The following AJAP1 variants were observed in gnomAD, a reference collection of about 807,000 sequenced individuals.
AJAP1 encodes the protein adherens junction-associated protein 1.
AJAP1 carries 5 observed loss-of-function variants against 35.0 expected under a neutral mutation model. The ratio of observed to expected loss-of-function variants is 0.14; its 90% CI spans 0.07 to 0.30. The LOEUF is 0.30. AJAP1 is among the 10% of genes least tolerant of loss of function. AJAP1 has a pLI of 1.00. For synonymous variants in AJAP1, 284 were observed against 249.3 expected (o/e 1.14, Z -1.31); for missense variants, 586 against 571.0 (o/e 1.03, Z -0.27).
rs1031792602 is a variant in AJAP1, at chr1:4,720,119, C to A, written c.829+7420C>A. ...TTTGCAGCAGATAAGTTCCAAGTGA[C>A]GTTTGAGGGCTCCCCAGGTGGTCAC... On this transcript the variant is annotated intron_variant, in intron 2 of 5. Transcript: ENST00000378191. This position sits in a 1 kb window ranked among gnomAD's most constrained non-coding sequence, Gnocchi z 4.4. Among the ~76,000 whole-genome samples, 2 of 152,150 alleles carry A rather than the reference C, an allele frequency of 1.3e-5. No individual in the cohort carries two copies. The highest frequency in any genetic ancestry group is 2.9e-5 in the Non-Finnish European group (2 of 68,028).
intron 2 of AJAP1, among the ~76,000 whole-genome samples, chr1:4,721,818 G>T (rs1441978304): frequency 6.6e-6 from 1 of 152,202 alleles, no homozygotes; most frequent in Non-Finnish European, 1.5e-5. Context: ...AATGCACCTT[G>T]CAGAGAAAAC....
At chr1:4,776,303 G>A (rs1398221409) in intron 5 of AJAP1, among the ~76,000 whole-genome samples, 4 of 152,150 alleles carry the variant, frequency 2.6e-5, no homozygotes, top group African/African-American at 9.7e-5. Context: ...GCTTTCTAAT[G>A]TTTGCACGGC....
chr1:4,657,312 C>G (rs1010152235), intron 1 of AJAP1, among the ~76,000 whole-genome samples: 1 of 152,120 alleles, frequency 6.6e-6, no homozygotes. Flanking sequence ...TTTTTCCCCC[C>G]TCGATGTCAG....
chr1:4,694,819 G>T (rs889193749), intron 1 of AJAP1, among the ~76,000 whole-genome samples: 1 of 152,244 alleles, frequency 6.6e-6, no homozygotes, highest in East Asian at 1.9e-4. Context: ...GCTTTAGGTT[G>T]TGAGCACAGT....
At chr1:4,684,652 C>G (rs1283444532) in intron 1 of AJAP1, among the ~76,000 whole-genome samples, 1 of 152,170 alleles carries the variant, frequency 6.6e-6, no homozygotes, top group East Asian at 1.9e-4. Context: ...TCACGTGCCT[C>G]CAAATGGACC....
At chr1:4,738,321 G>A (rs1174873030) in intron 2 of AJAP1, among the ~76,000 whole-genome samples, 1 of 152,240 alleles carries the variant, frequency 6.6e-6, no homozygotes, top group East Asian at 1.9e-4. Context: ...ACCATGTTGA[G>A]CAGACTGAGT....
intron 2 of AJAP1, among the ~76,000 whole-genome samples, chr1:4,748,760 A>G (rs112755269): frequency 1.3e-5 from 2 of 151,354 alleles, no homozygotes; most frequent in East Asian, 1.9e-4. Flanking sequence ...AAAAAAAAAA[A>G]AAAAAAAAAA....
At chr1:4,703,852 TC>T (rs774174310) in intron 1 of AJAP1, among the ~76,000 whole-genome samples, 1 of 152,170 alleles carries the variant, frequency 6.6e-6, no homozygotes, top group Non-Finnish European at 1.5e-5. Context: ...CATCTGAATG[TC>T]CCTGAGAACA....
intron 2 of AJAP1, among the ~76,000 whole-genome samples, chr1:4,739,323 C>T (rs1013818227): frequency 6.6e-6 from 1 of 152,186 alleles, no homozygotes; most frequent in African/African-American, 2.4e-5. Flanking sequence ...GTCTGCCGGC[C>T]TTGGAAAGTG....
chr1:4,706,112 T>C (rs115711588), intron 1 of AJAP1, among the ~76,000 whole-genome samples: 2,415 of 152,248 alleles, frequency 0.016, 64 homozygotes, highest in African/African-American at 0.055. Context: ...ACACGGGTCA[T>C]TGGGGACCGA....
intron 1 of AJAP1, among the ~76,000 whole-genome samples, chr1:4,695,864 G>A (rs141617744): frequency 6.6e-6 from 1 of 152,300 alleles, no homozygotes; most frequent in African/African-American, 2.4e-5. Flanking sequence ...TGAACTTGAG[G>A]AGACCCAAGT....
intron 1 of AJAP1, among the ~76,000 whole-genome samples, chr1:4,664,378 G>A (rs984578533): frequency 6.6e-6 from 1 of 152,218 alleles, no homozygotes; most frequent in Admixed American, 6.5e-5. Context: ...ATACATGGAT[G>A]CCCATGGTAT....
At chr1:4,697,928 C>T (rs1455777844) in intron 1 of AJAP1, among the ~76,000 whole-genome samples, 1 of 152,230 alleles carries the variant, frequency 6.6e-6, no homozygotes, top group African/African-American at 2.4e-5. Flanking sequence ...GCTAAGTCCG[C>T]GTTCTGTGCT....
intron 1 of AJAP1, among the ~76,000 whole-genome samples, chr1:4,657,637 CTG>C (rs936315472): frequency 1.3e-5 from 2 of 148,730 alleles, no homozygotes; most frequent in Non-Finnish European, 1.5e-5. Flanking sequence ...CAGGTAGACA[CTG>C]AGCCTCCAGC....
In AJAP1 at chr1:4,734,399, C is replaced by T. The variant is rs1480995580; in HGVS notation, c.829+21700C>T. 1.3e-5 allele frequency among the ~76,000 whole-genome samples: 2 copies of T among 152,218 alleles called. No individual in the cohort carries two copies. The highest frequency in any genetic ancestry group is 2.9e-5 in the Non-Finnish European group (2 of 68,044). On this transcript the variant is annotated intron_variant, in intron 2 of 5. Transcript: ENST00000378191. The surrounding 1 kb of genome is among the most constrained non-coding windows in gnomAD (Gnocchi z 4.3). Reference sequence around the variant, plus strand: ...AGGCATTCCTCTGATCTTAAATCAGCAGAGGCAGAGGCCCCGAGAGGTTAA... The same window carrying T: ...AGGCATTCCTCTGATCTTAAATCAGTAGAGGCAGAGGCCCCGAGAGGTTAA...
intron 2 of AJAP1, among the ~76,000 whole-genome samples, chr1:4,753,535 C>T (rs541089695): frequency 3.3e-5 from 5 of 152,220 alleles, no homozygotes; most frequent in South Asian, 4.1e-4. Context: ...TTGAAATTCT[C>T]CATCTTGTAA....
rs749172201 is a variant in AJAP1 at position 4,712,185 on chromosome 1, G to C, written c.315G>C (p.Arg105=). ...MPRARRAHRP[R]DQAAALVPKA... is the part of the protein sequence containing the mutation. ...GAGCCAGACGGGCCCACAGGCCCCG[G>C]GACCAGGCGGCCGCCCTCGTGCCCA... Residue 105 remains arginine (R), a synonymous_variant, in exon 2 of 6, where the codon CGG becomes CGC. Coordinates refer to ENST00000378191, the MANE Select transcript of AJAP1 (RefSeq NM_018836.4). 1 of 1,566,312 alleles carries C rather than the reference G, an allele frequency of 6.4e-7. No individual in the cohort carries two copies. Among genetic ancestry groups the C allele is most frequent in the South Asian group, 1.2e-5 (1 of 85,448 alleles).
rs1557626214 is a variant in AJAP1 at position 4,723,248 on chromosome 1, C to T, written c.829+10549C>T. 6.6e-6 allele frequency among the ~76,000 whole-genome samples: 1 copy of T among 152,142 alleles called. No homozygotes were observed. Among genetic ancestry groups the T allele is most frequent in the Non-Finnish European group, 1.5e-5 (1 of 68,032 alleles). On this transcript the variant is annotated intron_variant, in intron 2 of 5. Coordinates refer to ENST00000378191, the MANE Select transcript of AJAP1 (RefSeq NM_018836.4). The surrounding 1 kb of genome is among the most constrained non-coding windows in gnomAD (Gnocchi z 4.3). ...TTGGAAGGAGCCCTTGGGACGGGAC[C>T]TTCACTCTTGTGACATCCAGCCACC...
rs947585117 is a variant in AJAP1 at position 4,791,484 on chromosome 1, A to G, written c.*8999A>G. 4 of 152,248 alleles carry G rather than the reference A, an allele frequency of 2.6e-5. No homozygotes were observed. The highest frequency in any genetic ancestry group is 7.2e-5 in the African/African-American group (3 of 41,474). 9.4% of individuals were successfully genotyped at this position (152,248 alleles called of 1,614,324 possible). A position where few individuals can be genotyped will look rare whatever the true frequency, so the allele number is the denominator to read the frequency against. On this transcript the variant is annotated 3_prime_UTR_variant, in exon 6 of 6. Coordinates refer to ENST00000378191, the MANE Select transcript of AJAP1 (RefSeq NM_018836.4). ...GGGGACAAGTCACAGAGATCTCGCC[A>G]TGGTTAGCACCAGGGACAAGTCTGG...
Sources: allele counts gnomAD v4.1 joint callset (sites outside exome capture counted in the v4.1 genomes callset), GRCh38; gene constraint gnomAD v4.1.1; non-coding constraint Gnocchi (gnomAD v3.1); transcripts MANE v1.5; gene names NCBI Gene and HGNC (gene_info 2026-07-23, HGNC 2026-07-21).